The following PLPPR5 variants were observed in gnomAD, a reference collection of about 807,000 sequenced individuals.
PLPPR5 encodes the protein phospholipid phosphatase related 5.
PLPPR5 carries 16 observed loss-of-function variants against 33.9 expected under a neutral mutation model. That is an observed-to-expected ratio of 0.47 (90% CI 0.32 to 0.72). The LOEUF (loss-of-function observed/expected upper bound fraction) is 0.72, where lower values mean the gene tolerates loss of function less well. Among genes scored for constraint, PLPPR5 ranks in the 30% least tolerant of loss-of-function variants. The pLI is 0.03. For synonymous variants in PLPPR5, 163 were observed against 150.3 expected, an observed-to-expected ratio of 1.08 and a Z score of -0.62; for missense variants, 301 against 406.7, an observed-to-expected ratio of 0.74 and a Z score of 2.23.
intron 5 of PLPPR5, among the ~76,000 whole-genome samples, chr1:98,905,563 A>G (rs1352197732): frequency 6.6e-6 from 1 of 151,790 alleles, no homozygotes; most frequent in Non-Finnish European, 1.5e-5. Flanking sequence ...GTACTTTAAC[A>G]TTTTTGCTGG....
intron 2 of PLPPR5, among the ~76,000 whole-genome samples, chr1:98,954,881 G>A (rs1299072379): frequency 1.3e-5 from 2 of 152,040 alleles, no homozygotes; most frequent in African/African-American, 4.8e-5. Flanking sequence ...AGGCTGTTTG[G>A]TGTAACGGGT....
intron 1 of PLPPR5, among the ~76,000 whole-genome samples, chr1:98,958,287 A>G (rs1267619114): frequency 1.3e-5 from 2 of 152,212 alleles, no homozygotes; most frequent in African/African-American, 4.8e-5. Flanking sequence ...TGAGGTAGAG[A>G]AGGAGGTTAC....
intron 1 of PLPPR5, among the ~76,000 whole-genome samples, chr1:98,986,523 T>C (rs1652270332): frequency 1.3e-5 from 2 of 151,900 alleles, no homozygotes; most frequent in Non-Finnish European, 2.9e-5. Flanking sequence ...AAAGAAGTTG[T>C]AAAGTATAAG....
intron 1 of PLPPR5, among the ~76,000 whole-genome samples, chr1:98,989,874 T>C (rs570061675): frequency 2.3e-3 from 356 of 152,296 alleles, no homozygotes; most frequent in Non-Finnish European, 4.1e-3. Flanking sequence ...CTCAGCTCAT[T>C]GGAACTCACT....
intron 1 of PLPPR5, among the ~76,000 whole-genome samples, chr1:98,996,631 T>C (rs898105386): frequency 1.3e-5 from 2 of 152,104 alleles, no homozygotes; most frequent in Admixed American, 6.6e-5. Context: ...CTGCTAACTA[T>C]AGGTTAAGAT....
In PLPPR5 at chr1:98,968,272, T is replaced by C. The variant is rs569414965; in HGVS notation, c.238-11531A>G. Among the ~76,000 whole-genome samples, 7 of 152,244 alleles carry C rather than the reference T, an allele frequency of 4.6e-5. No individual in the cohort carries two copies. In the South Asian group the frequency reaches 6.2e-4, roughly 14 times the overall value. On this transcript the variant is annotated intron_variant, in intron 1 of 5. Transcript: ENST00000263177. ...TGTCTCCATGTTCACAGATCTACTG[T>C]TGGCCAGTACTGTTATAATGTACCT...
intron 3 of PLPPR5, among the ~76,000 whole-genome samples, chr1:98,929,741 G>T (rs904238158): frequency 1.3e-5 from 2 of 152,132 alleles, no homozygotes; most frequent in Admixed American, 1.3e-4. Context: ...TTTATCTCCA[G>T]TATGACTCCC....
At chr1:98,957,097 A>C (rs1319311335) in intron 1 of PLPPR5, among the ~76,000 whole-genome samples, 2 of 151,272 alleles carry the variant, frequency 1.3e-5, no homozygotes, top group Non-Finnish European at 2.9e-5. Flanking sequence ...CAAAAAACCA[A>C]ACACCACATA....
chr1:98,947,164 C>A (rs2101201765), intron 3 of PLPPR5, among the ~76,000 whole-genome samples: 1 of 152,298 alleles, frequency 6.6e-6, no homozygotes, highest in Middle Eastern at 3.4e-3. Context: ...TTTCAAACAG[C>A]CTAATCAAAT....
At chr1:98,982,029 G>C (rs1212117569) in intron 1 of PLPPR5, among the ~76,000 whole-genome samples, 2 of 152,006 alleles carry the variant, frequency 1.3e-5, no homozygotes, top group Non-Finnish European at 2.9e-5. Context: ...CTCAAAAATA[G>C]TTCCATGTAT....
chr1:98,900,784 A>G (rs974590501), intron 5 of PLPPR5, among the ~76,000 whole-genome samples: 2 of 152,186 alleles, frequency 1.3e-5, no homozygotes, highest in Admixed American at 6.6e-5. Context: ...CCAGGAGTTG[A>G]TTAAAACTCC....
At position 98,953,277 on chromosome 1, in the gene PLPPR5, A is replaced by G; in HGVS notation, c.414T>C (p.Asn138=). Reference sequence around the variant, plus strand: ...GATTTCCTGTGACTACTTGTCCAGCATTTACAAAGATATCTGTAGCAAACA... The same window carrying G: ...GATTTCCTGTGACTACTTGTCCAGCGTTTACAAAGATATCTGTAGCAAACA... ...FGLFATDIFV[N]AGQVVTGNLA... is the part of the protein sequence containing the mutation. Residue 138 remains asparagine, a synonymous_variant, in exon 3 of 6, where the codon AAT becomes AAC. Coordinates refer to ENST00000263177, the MANE Select transcript of PLPPR5 (RefSeq NM_001037317.2). 6.2e-7 allele frequency: 1 copy of G among 1,614,022 alleles called. No homozygotes were observed. Among genetic ancestry groups the G allele is most frequent in the South Asian group, 1.1e-5 (1 of 91,074 alleles).
At chr1:98,983,812 G>A (rs1652145556) in intron 1 of PLPPR5, among the ~76,000 whole-genome samples, 1 of 152,044 alleles carries the variant, frequency 6.6e-6, no homozygotes, top group Non-Finnish European at 1.5e-5. Flanking sequence ...ATCTCATTGT[G>A]GTTTTGATTT....
chr1:98,936,894 T>C (rs1471133650), intron 3 of PLPPR5, among the ~76,000 whole-genome samples: 1 of 152,192 alleles, frequency 6.6e-6, no homozygotes, highest in Admixed American at 6.5e-5. Flanking sequence ...ACTGAATATA[T>C]GGCTGTTGTT....
chr1:98,903,717 G>C (rs1179916023), intron 5 of PLPPR5, among the ~76,000 whole-genome samples: 5 of 152,114 alleles, frequency 3.3e-5, no homozygotes, highest in African/African-American at 1.2e-4. Context: ...GTGCCGAGAA[G>C]TTTATCTGTG....
intron 3 of PLPPR5, among the ~76,000 whole-genome samples, chr1:98,942,614 A>T (rs994439017): frequency 1.3e-5 from 2 of 151,836 alleles, no homozygotes; most frequent in Non-Finnish European, 2.9e-5. Flanking sequence ...GATGGTAAAA[A>T]CTCCCTGCTG....
chr1:98,901,316 G>A (rs1305494636), intron 5 of PLPPR5, among the ~76,000 whole-genome samples: 1 of 152,152 alleles, frequency 6.6e-6, no homozygotes, highest in Non-Finnish European at 1.5e-5. Flanking sequence ...TGACTACAAA[G>A]GGGAAGGCTG....
chr1:98,983,233 C>T (rs1570754478), intron 1 of PLPPR5, among the ~76,000 whole-genome samples: 1 of 117,138 alleles, frequency 8.5e-6, no homozygotes, highest in Admixed American at 9.5e-5. Flanking sequence ...GCTATCCCTC[C>T]CCCCTCCCCC....
upstream of PLPPR5, among the ~76,000 whole-genome samples, chr1:99,005,339 C>G (rs57019766): frequency 1.3e-5 from 2 of 152,064 alleles, no homozygotes; most frequent in East Asian, 1.9e-4. Context: ...GAGTTTCAAC[C>G]GGTGCGTTCA....
Sources: allele counts gnomAD v4.1 joint callset (sites outside exome capture counted in the v4.1 genomes callset), GRCh38; gene constraint gnomAD v4.1.1; transcripts MANE v1.5; gene names NCBI Gene and HGNC (gene_info 2026-07-23, HGNC 2026-07-21).